Variants in ADGRL3 observed in about 807,000 individuals in gnomAD.
ADGRL3 encodes adhesion G protein-coupled receptor L3.
ADGRL3 carries 62 observed loss-of-function variants against 153.5 expected under a neutral mutation model. The ratio of observed to expected loss-of-function variants is 0.40; its 90% CI spans 0.33 to 0.50. The LOEUF is 0.50. ADGRL3 is among the 20% of genes least tolerant of loss of function. The pLI is 0.47. For missense variants in ADGRL3, 1,641 were observed against 1,859.4 expected, an observed-to-expected ratio of 0.88 and a Z score of 2.16; for synonymous variants, 710 against 672.5, an observed-to-expected ratio of 1.06 and a Z score of -0.86.
chr4:61,324,314 A>C (rs192576017), intron 1 of ADGRL3, among the ~76,000 whole-genome samples: 2 of 152,262 alleles, frequency 1.3e-5, no homozygotes, highest in African/African-American at 4.8e-5. Flanking sequence ...TAAATCAAAT[A>C]CATTTTATAT....
chr4:61,475,986 A>G (rs2098043322), intron 2 of ADGRL3, among the ~76,000 whole-genome samples: 1 of 152,162 alleles, frequency 6.6e-6, no homozygotes, highest in Non-Finnish European at 1.5e-5. Context: ...GATTAGCAGC[A>G]CTACAGTCTA....
At chr4:61,978,430 T>C (rs1314805539) in intron 17 of ADGRL3, among the ~76,000 whole-genome samples, 1 of 152,086 alleles carries the variant, frequency 6.6e-6, no homozygotes, top group Non-Finnish European at 1.5e-5. Flanking sequence ...AATATCATTG[T>C]AGGAATTAAC....
chr4:61,866,124 C>G (rs1242092017), intron 9 of ADGRL3, among the ~76,000 whole-genome samples: 1 of 152,192 alleles, frequency 6.6e-6, no homozygotes, highest in East Asian at 1.9e-4. Context: ...GCACCATCCC[C>G]TGCCCCTGAG....
intron 10 of ADGRL3, 123 bp downstream of exon 10, chr4:61,893,081 G>GTCTA: frequency 2.3e-6 from 1 of 428,558 alleles, no homozygotes; most frequent in Non-Finnish European, 3.9e-6. Context: ...CTCCCTCCTT[G>GTCTA]TCTCTTTCTT....
chr4:61,960,764 G>GCAGT (rs1360369811), intron 17 of ADGRL3, among the ~76,000 whole-genome samples: 1 of 152,094 alleles, frequency 6.6e-6, no homozygotes, highest in Non-Finnish European at 1.5e-5. Flanking sequence ...AGGCTGGAAT[G>GCAGT]CAGTGGCACA....
chr4:61,396,504 A>C (rs567737631), intron 2 of ADGRL3, among the ~76,000 whole-genome samples: 1 of 152,114 alleles, frequency 6.6e-6, no homozygotes, highest in South Asian at 2.1e-4. Flanking sequence ...TACTTGGTTT[A>C]CATTGGCTGA....
chr4:61,699,217 G>A (rs2095701889), intron 6 of ADGRL3, among the ~76,000 whole-genome samples: 1 of 152,094 alleles, frequency 6.6e-6, no homozygotes, highest in African/African-American at 2.4e-5. Context: ...TTTTGAGAGT[G>A]CACTCTGATA....
chr4:61,843,683 T>C (rs2098068642), intron 9 of ADGRL3, among the ~76,000 whole-genome samples: 1 of 152,194 alleles, frequency 6.6e-6, no homozygotes, highest in Non-Finnish European at 1.5e-5. Context: ...CTAACAGACC[T>C]AATCCTATTA....
intron 3 of ADGRL3, among the ~76,000 whole-genome samples, chr4:61,505,110 A>G (rs2098418902): frequency 1.3e-5 from 2 of 151,966 alleles, no homozygotes; most frequent in Admixed American, 1.3e-4. Flanking sequence ...CCTCACTAGC[A>G]TTTGTTATTG....
chr4:61,867,877 T>A (rs2098412505), intron 9 of ADGRL3, among the ~76,000 whole-genome samples: 1 of 152,000 alleles, frequency 6.6e-6, no homozygotes, highest in African/African-American at 2.4e-5. Flanking sequence ...AATATGTGGA[T>A]TTTTTTATAT....
At chr4:61,373,532 C>G (rs1326697959) in intron 1 of ADGRL3, among the ~76,000 whole-genome samples, 1 of 152,058 alleles carries the variant, frequency 6.6e-6, no homozygotes, top group East Asian at 1.9e-4. Context: ...CTTTATATCT[C>G]TTGAATGCAT....
intron 5 of ADGRL3, among the ~76,000 whole-genome samples, chr4:61,667,344 A>G (rs2094835026): frequency 6.6e-6 from 1 of 152,170 alleles, no homozygotes; most frequent in Admixed American, 6.6e-5. Flanking sequence ...TTATAGTAAG[A>G]AAATCAAAAG....
At chr4:61,510,798 C>G (rs954718141) in intron 3 of ADGRL3, among the ~76,000 whole-genome samples, 3 of 152,006 alleles carry the variant, frequency 2.0e-5, no homozygotes, top group African/African-American at 7.2e-5. Context: ...TTTGTAAAAA[C>G]TGACATTGAT....
chr4:61,614,202 C>A (rs1298046928), intron 5 of ADGRL3, among the ~76,000 whole-genome samples: 1 of 152,084 alleles, frequency 6.6e-6, no homozygotes, highest in African/African-American at 2.4e-5. Flanking sequence ...CAAAGGCTAC[C>A]AGCATAATGC....
At chr4:61,820,860 C>T (rs2097746969) in intron 9 of ADGRL3, among the ~76,000 whole-genome samples, 1 of 152,080 alleles carries the variant, frequency 6.6e-6, no homozygotes, top group South Asian at 2.1e-4. Flanking sequence ...GTTATTTTGC[C>T]TCCTGACTAC....
At chr4:61,870,260 T>C (rs1172624974) in intron 9 of ADGRL3, among the ~76,000 whole-genome samples, 3 of 152,120 alleles carry the variant, frequency 2.0e-5, no homozygotes, top group African/African-American at 4.8e-5. Context: ...GATATCCACA[T>C]ACCAGTGAAT....
At chr4:61,688,698 T>C (rs1013680070) in intron 6 of ADGRL3, among the ~76,000 whole-genome samples, 7 of 152,136 alleles carry the variant, frequency 4.6e-5, no homozygotes, top group African/African-American at 1.7e-4. Context: ...TTTGGGGAGC[T>C]CCAGCCATCT....
At chr4:61,565,081 G>T (rs1354054139) in intron 4 of ADGRL3, among the ~76,000 whole-genome samples, 1 of 152,194 alleles carries the variant, frequency 6.6e-6, no homozygotes, top group Non-Finnish European at 1.5e-5. Context: ...GAGACAGGTA[G>T]TGAGCACATG....
chr4:62,063,560 C>T (rs1297847904), intron 25 of ADGRL3: 1 of 699,888 alleles, frequency 1.4e-6, no homozygotes, highest in Non-Finnish European at 2.6e-6. Context: ...ATGGTACTAA[C>T]AATCCCTATA....
Sources: gnomAD v4.1 joint callset for allele counts (sites outside exome capture counted in the v4.1 genomes callset) on GRCh38, gnomAD v4.1.1 for gene constraint, MANE v1.5 for transcripts, NCBI Gene and HGNC (gene_info 2026-07-23, HGNC 2026-07-21) for gene names.